The following NKAP variants were observed in gnomAD, a reference collection of about 807,000 sequenced individuals.
NKAP encodes NF-kappa-B-activating protein.
Under a neutral mutation model 35.6 loss-of-function variants are expected in NKAP, and 4 were observed. The observed-to-expected ratio is 0.11, with a 90% CI of 0.06 to 0.26. The LOEUF (loss-of-function observed/expected upper bound fraction) is 0.26, where lower values mean the gene tolerates loss of function less well. Among genes scored for constraint, NKAP ranks in the 10% least tolerant of loss-of-function variants. The pLI is 1.00. For synonymous variants in NKAP, 106 were observed against 119.2 expected (o/e 0.89, Z 0.72); for missense variants, 238 against 321.9 (o/e 0.74, Z 1.99).
chrX:119,930,521 T>TA (rs1201030749), intron 7 of NKAP, among the ~76,000 whole-genome samples: 1 of 112,038 alleles, frequency 8.9e-6, no homozygotes, highest in African/African-American at 3.2e-5. Context: ...CTTTTTCCCT[T>TA]AAAAAATCCA....
chrX:119,930,627 T>C (rs1603379817), intron 7 of NKAP, among the ~76,000 whole-genome samples: 2 of 110,914 alleles, frequency 1.8e-5, no homozygotes, highest in African/African-American at 6.6e-5. Flanking sequence ...GAGAGCAGCC[T>C]GGCCAACATA....
At chrX:119,927,007 G>A (rs893807702) in intron 8 of NKAP, among the ~76,000 whole-genome samples, 3 of 92,295 alleles carry the variant, frequency 3.3e-5, no homozygotes, top group African/African-American at 1.2e-4. Flanking sequence ...GTTGCAGTGA[G>A]CTGAGATTGC....
intron 8 of NKAP, among the ~76,000 whole-genome samples, chrX:119,926,800 C>T (rs769399231): frequency 1.9e-5 from 2 of 107,871 alleles, no homozygotes; most frequent in South Asian, 8.6e-4. Flanking sequence ...GTGGCTCACG[C>T]CTGTAATCTC....
chrX:119,936,864 C>T (rs367622412), intron 2 of NKAP, 182 bp from the exon 3 acceptor site: 22 of 395,711 alleles, frequency 5.6e-5, no homozygotes, highest in African/African-American at 5.0e-4. Flanking sequence ...AACAACAAAG[C>T]AAGCACTGAA....
intron 7 of NKAP, among the ~76,000 whole-genome samples, chrX:119,930,905 T>C (rs1373151530): frequency 9.3e-6 from 1 of 107,779 alleles, no homozygotes; most frequent in Non-Finnish European, 1.9e-5. Flanking sequence ...TTTTTGGAGG[T>C]TGAGGCGGGC....
intron 7 of NKAP, 85 bp downstream of exon 7, chrX:119,931,851 A>C: frequency 1.4e-6 from 1 of 704,953 alleles, no homozygotes; most frequent in Non-Finnish European, 2.2e-6. Context: ...AAATAAGGGA[A>C]TAGAGTCAGA....
intron 1 of NKAP, among the ~76,000 whole-genome samples, chrX:119,940,354 C>CAAAAAAAAAAAAA (rs386419406): frequency 1.4e-5 from 1 of 69,013 alleles, no homozygotes; most frequent in Non-Finnish European, 2.7e-5. Flanking sequence ...AATAAAAAAC[C>CAAAAAAAAAAAAA]AAAAAAAAAA....
At position 119,936,592 on chromosome X, in the gene NKAP, T is replaced by C; in HGVS notation, c.538+20A>G. The C allele has an allele frequency of 8.9e-7, 1 of 1,122,655 alleles. No homozygotes were observed. Among genetic ancestry groups the C allele is most frequent in the Non-Finnish European group, 1.2e-6 (1 of 837,079 alleles). 92.5% of individuals were successfully genotyped at this position (1,122,655 alleles called of 1,213,427 possible). ...AATAAAATAGCTTGTATTTTAAAAA[T>C]ACCCTTTTTTTAAAAATACCTTCTG... On this transcript the variant is annotated intron_variant, in intron 3 of 8. Transcript: ENST00000371410.
At chrX:119,942,212 C>T (rs1308523796) in intron 1 of NKAP, among the ~76,000 whole-genome samples, 1 of 111,215 alleles carries the variant, frequency 9.0e-6, no homozygotes, top group Non-Finnish European at 1.9e-5. Flanking sequence ...TGGGGTCATA[C>T]CTGTAATCTC....
At position 119,943,578 on chromosome X, in the gene NKAP, G is replaced by A; in HGVS notation, c.28C>T (p.Pro10Ser). ...CCCGAGCCCGAGGCCTCCCTATCCG[G>A]GCTGCGTGAGCCGGACACCGGAGCC... MAPVSGSRS[P>S]DREASGSGGR... The change falls in exon 1 of 9, where the codon CCG becomes TCG. Residue 10 changes from proline to serine, a missense_variant. Pro to Ser is a moderately conservative substitution (Grantham distance 74). Transcript: ENST00000371410. The A allele has an allele frequency of 8.4e-7, 1 of 1,190,929 alleles. No individual in the cohort carries two copies. The highest frequency in any genetic ancestry group is 1.7e-5 in the African/African-American group (1 of 57,586).
chrX:119,934,662 AAAG>A (rs1400767535), intron 4 of NKAP, 105 bp from the exon 5 acceptor site: 1 of 499,096 alleles, frequency 2.0e-6, no homozygotes, highest in Non-Finnish European at 3.2e-6. Context: ...TTATTGTTAC[AAAG>A]AAATTACCTC....
At chrX:119,926,486 C>T (rs374270340) in intron 8 of NKAP, among the ~76,000 whole-genome samples, 23 of 108,523 alleles carry the variant, frequency 2.1e-4, no homozygotes, top group East Asian at 2.1e-3. Flanking sequence ...ATGCTGGTTT[C>T]GAACTCCTGA....
chrX:119,924,017 T>A lies in NKAP; in HGVS notation c.*1203A>T, dbSNP rs1387512151. On this transcript the variant is annotated 3_prime_UTR_variant, in exon 9 of 9. Coordinates refer to ENST00000371410, the MANE Select transcript of NKAP (RefSeq NM_024528.4). Reference sequence around the variant, plus strand: ...CAATTCAACAAATCTGTGGGTTAGTTTGCTTTTTGGTTTGTTTGTTGGTTT... The same window carrying A: ...CAATTCAACAAATCTGTGGGTTAGTATGCTTTTTGGTTTGTTTGTTGGTTT... 7.1e-5 allele frequency: 8 copies of A among 112,491 alleles called. No individual in the cohort carries two copies. The highest frequency in any genetic ancestry group is 2.6e-4 in the African/African-American group (8 of 31,044). 9.3% of individuals were successfully genotyped at this position (112,491 alleles called of 1,213,427 possible).
At position 119,930,244 on chromosome X, in the gene NKAP, A is replaced by G. The variant is rs1055736670; in HGVS notation, c.924-79T>C. 4.2e-5 allele frequency: 40 copies of G among 961,893 alleles called. No homozygotes were observed. The African/African-American group carries it at 7.1e-4, about 17-fold the overall frequency. The allele number at this position is 961,893 out of a possible 1,213,427, so 79.3% of individuals were successfully genotyped here. A position where few individuals can be genotyped will look rare whatever the true frequency, so the allele number is the denominator to read the frequency against. ...AAGCTTATAATCTAAAGAGAGCACC[A>G]AAAATCCCCACATTTTCTCTCAAAC... On this transcript the variant is annotated intron_variant, in intron 7 of 8. Coordinates refer to ENST00000371410, the MANE Select transcript of NKAP (RefSeq NM_024528.4).
In NKAP at chrX:119,922,818, G is replaced by A. The variant is rs755788901; in HGVS notation, c.*2402C>T. The A allele has an allele frequency of 8.9e-6, 1 of 111,845 alleles. No homozygotes were observed. Among genetic ancestry groups the A allele is most frequent in the South Asian group, 3.7e-4 (1 of 2,714 alleles). 9.2% of individuals were successfully genotyped at this position (111,845 alleles called of 1,213,427 possible). A position where few individuals can be genotyped will look rare whatever the true frequency, so the allele number is the denominator to read the frequency against. ...GAAAAACAACCACTTAAAAATATAA[G>A]GCAAGCGGGCATTTTACAATAGTAT... On this transcript the variant is annotated 3_prime_UTR_variant, in exon 9 of 9. Transcript: ENST00000371410.
chrX:119,937,040 C>T (rs2056770233), intron 2 of NKAP: 1 of 121,918 alleles, frequency 8.2e-6, no homozygotes, highest in Non-Finnish European at 1.7e-5. Flanking sequence ...GAAACAGGAA[C>T]CATAGGAAAG....
intron 8 of NKAP, 80 bp downstream of exon 8, chrX:119,929,936 A>G (rs1346939661): frequency 1.6e-5 from 16 of 1,002,043 alleles, no homozygotes; most frequent in Non-Finnish European, 2.0e-5. Flanking sequence ...ATGAAAATCA[A>G]TTACCAAAAT....
rs748444591 is a variant in NKAP at position 119,928,470 on chromosome X, T to C, written c.1073+1546A>G. Among the ~76,000 whole-genome samples, 37 of 112,545 alleles carry C rather than the reference T, an allele frequency of 3.3e-4. 1 individual carries two copies. Among genetic ancestry groups the C allele is most frequent in the African/African-American group, 1.2e-3 (37 of 31,050 alleles). On this transcript the variant is annotated intron_variant, in intron 8 of 8. Transcript: ENST00000371410. The stretch of plus-strand genomic sequence containing the variant: ...GTGTACTAACCTTATATCCAACCAG[T>C]TGTTAAACCCTCCTCTCATTTATAA...
chrX:119,936,535 A>G (rs2056767323), intron 3 of NKAP, 77 bp downstream of exon 3: 3 of 989,477 alleles, frequency 3.0e-6, no homozygotes, highest in Non-Finnish European at 4.1e-6. Flanking sequence ...CTAATGTTCA[A>G]CTATTTACAA....
Sources: gnomAD v4.1 joint callset for allele counts (sites outside exome capture counted in the v4.1 genomes callset) on GRCh38, gnomAD v4.1.1 for gene constraint, MANE v1.5 for transcripts, NCBI Gene and HGNC (gene_info 2026-07-23, HGNC 2026-07-21) for gene names.